The following IL1RAPL2 variants were observed in gnomAD, a reference collection of about 807,000 sequenced individuals.
The protein encoded by IL1RAPL2 is X-linked interleukin-1 receptor accessory protein-like 2.
Under a neutral mutation model 44.1 loss-of-function variants are expected in IL1RAPL2, and 3 were observed. That is an observed-to-expected ratio of 0.07 (90% CI 0.03 to 0.18). The LOEUF is 0.18. Ranked by LOEUF, IL1RAPL2 falls within the 10% of genes least tolerant of loss-of-function variation. The pLI is 1.00. For synonymous variants in IL1RAPL2, 181 were observed against 178.8 expected, an observed-to-expected ratio of 1.01 and a Z score of -0.10; for missense variants, 391 against 496.4, an observed-to-expected ratio of 0.79 and a Z score of 2.02.
At chrX:105,512,991 T>G (rs144989129) in intron 6 of IL1RAPL2, among the ~76,000 whole-genome samples, 1,393 of 110,578 alleles carry the variant, frequency 0.013, 12 homozygotes, top group South Asian at 0.036. Flanking sequence ...ATTGTTCAAC[T>G]CCCACTTACG....
chrX:105,332,743 T>C (rs937015425), intron 5 of IL1RAPL2, among the ~76,000 whole-genome samples: 2 of 111,643 alleles, frequency 1.8e-5, no homozygotes, highest in African/African-American at 6.5e-5. Flanking sequence ...GGAAAATAAA[T>C]TTTAAAAAGT....
intron 5 of IL1RAPL2, among the ~76,000 whole-genome samples, chrX:105,479,072 G>T (rs929498327): frequency 9.0e-6 from 1 of 111,464 alleles, no homozygotes; most frequent in Admixed American, 9.6e-5. Flanking sequence ...ATTAAGGAAG[G>T]CTTTCTGGAG....
At chrX:105,602,690 A>G (rs2037262597) in intron 6 of IL1RAPL2, among the ~76,000 whole-genome samples, 1 of 110,203 alleles carries the variant, frequency 9.1e-6, no homozygotes, top group Non-Finnish European at 1.9e-5. Context: ...AGCAAGAGAA[A>G]AGTGTCAAGT....
chrX:105,502,219 A>G (rs1165025413), intron 6 of IL1RAPL2, among the ~76,000 whole-genome samples: 1 of 112,282 alleles, frequency 8.9e-6, no homozygotes, highest in Non-Finnish European at 1.9e-5. Flanking sequence ...GTGGCAAGAC[A>G]GAGTAAACCT....
At chrX:105,193,663 T>C (rs781811906) in intron 2 of IL1RAPL2, among the ~76,000 whole-genome samples, 26 of 111,504 alleles carry the variant, frequency 2.3e-4, no homozygotes, top group African/African-American at 7.5e-4. Context: ...AATGATCCAA[T>C]AGCAAGGAGT....
chrX:104,818,896 T>C (rs1235785041), intron 2 of IL1RAPL2, among the ~76,000 whole-genome samples: 1 of 112,220 alleles, frequency 8.9e-6, no homozygotes, highest in Non-Finnish European at 1.9e-5. Context: ...ACTTCCTATA[T>C]TTCTATGAGA....
At position 104,784,367 on chromosome X, in the gene IL1RAPL2, G is replaced by A. The variant is rs946091704; in HGVS notation, c.82+125372G>A. Among the ~76,000 whole-genome samples the A allele has an allele frequency of 2.5e-4, 28 of 111,258 alleles. 1 individual carries two copies. Among genetic ancestry groups the A allele is most frequent in the African/African-American group, 9.2e-4 (28 of 30,548 alleles). ...TTTCTTCTACAGTTTGCATTCTGAGGTAGGTAATATCTGATATTCAGGCCA... is the reference window on the plus strand; with the variant it reads ...TTTCTTCTACAGTTTGCATTCTGAGATAGGTAATATCTGATATTCAGGCCA... On this transcript the variant is annotated intron_variant, in intron 2 of 10. Transcript: ENST00000372582.
At chrX:104,766,918 T>G (rs878892604) in intron 2 of IL1RAPL2, among the ~76,000 whole-genome samples, 2 of 112,081 alleles carry the variant, frequency 1.8e-5, no homozygotes, top group South Asian at 7.4e-4. Context: ...GTTTACACAT[T>G]TGCAGGGTGG....
At chrX:105,057,235 T>A (rs2032005937) in intron 2 of IL1RAPL2, among the ~76,000 whole-genome samples, 1 of 112,569 alleles carries the variant, frequency 8.9e-6, no homozygotes, top group South Asian at 3.6e-4. Flanking sequence ...TTTTACTGTG[T>A]ATTCTTTAAA....
At chrX:104,567,073 G>GGA (rs1457671244) in intron 1 of IL1RAPL2, 22 bp downstream of exon 1, 3 of 113,061 alleles carry the variant, frequency 2.7e-5, no homozygotes, top group African/African-American at 6.4e-5. Flanking sequence ...TCGCAGAGCT[G>GGA]GAGAGTTGAC....
chrX:105,015,897 T>C (rs1218357697), intron 2 of IL1RAPL2, among the ~76,000 whole-genome samples: 1 of 111,591 alleles, frequency 9.0e-6, no homozygotes, highest in Admixed American at 9.5e-5. Context: ...TATAAATTAC[T>C]TTGATCAGTA....
At chrX:104,830,262 TTAG>T (rs758142813) in intron 2 of IL1RAPL2, among the ~76,000 whole-genome samples, 15 of 111,199 alleles carry the variant, frequency 1.3e-4, no homozygotes, top group African/African-American at 4.9e-4. Context: ...CTACTGAATC[TTAG>T]ACCTGAAGGT....
At chrX:105,582,637 T>C (rs1412395459) in intron 6 of IL1RAPL2, among the ~76,000 whole-genome samples, 3 of 110,788 alleles carry the variant, frequency 2.7e-5, no homozygotes, top group Non-Finnish European at 5.7e-5. Flanking sequence ...TAGCTGTAGA[T>C]TTTTTATATA....
At position 105,751,815 on chromosome X, in the gene IL1RAPL2, G is replaced by A. The variant is rs1014127760; in HGVS notation, c.1192+2712G>A. On this transcript the variant is annotated intron_variant, in intron 9 of 10. Coordinates refer to ENST00000372582, the MANE Select transcript of IL1RAPL2 (RefSeq NM_017416.2). ...ATAAATGAATTTTAACTGCCTTTTG[G>A]AAATCTACAGTTACAGAATGCCAAA... Among the ~76,000 whole-genome samples the A allele has an allele frequency of 2.7e-5, 3 of 111,877 alleles. No individual in the cohort carries two copies. In the Admixed American group the frequency reaches 2.9e-4, roughly 11 times the overall value.
At chrX:105,248,730 A>C (rs961303296) in intron 4 of IL1RAPL2, among the ~76,000 whole-genome samples, 1 of 111,836 alleles carries the variant, frequency 8.9e-6, no homozygotes, top group Non-Finnish European at 1.9e-5. Flanking sequence ...TGGGAAACAG[A>C]CATATGAAAA....
intron 2 of IL1RAPL2, among the ~76,000 whole-genome samples, chrX:104,712,516 T>C (rs1931480053): frequency 9.0e-6 from 1 of 110,657 alleles, no homozygotes; most frequent in Admixed American, 9.7e-5. Flanking sequence ...TGATCCTCTA[T>C]ATATGTACAA....
intron 5 of IL1RAPL2, among the ~76,000 whole-genome samples, chrX:105,281,008 T>G (rs749508144): frequency 1.3e-4 from 14 of 111,105 alleles, no homozygotes; most frequent in Admixed American, 1.2e-3. Context: ...CAATAGCAAA[T>G]ACTTGGAACT....
chrX:105,028,217 A>G (rs780773331), intron 2 of IL1RAPL2, among the ~76,000 whole-genome samples: 1 of 111,280 alleles, frequency 9.0e-6, no homozygotes, highest in South Asian at 3.8e-4. Flanking sequence ...GGGGATGGTT[A>G]ATGGGTACAA....
At chrX:105,312,830 A>G (rs1309095275) in intron 5 of IL1RAPL2, among the ~76,000 whole-genome samples, 2 of 111,535 alleles carry the variant, frequency 1.8e-5, no homozygotes, top group Non-Finnish European at 3.8e-5. Context: ...CATGTTGTAC[A>G]TGATAGATAT....
Sources: allele counts gnomAD v4.1 joint callset (sites outside exome capture counted in the v4.1 genomes callset), GRCh38; gene constraint gnomAD v4.1.1; transcripts MANE v1.5; gene names NCBI Gene and HGNC (gene_info 2026-07-23, HGNC 2026-07-21).